Variants in PAPPA2 observed in about 807,000 individuals in gnomAD.
The protein encoded by PAPPA2 is pappalysin-2.
In PAPPA2, 86 loss-of-function variants were observed where a neutral mutation model predicts 176.4. The ratio of observed to expected loss-of-function variants is 0.49; its 90% CI spans 0.41 to 0.58. The LOEUF is 0.58. Ranked by LOEUF, PAPPA2 falls within the 20% of genes least tolerant of loss-of-function variation. The pLI, the probability that PAPPA2 is intolerant of heterozygous loss-of-function variation, is 0.00. For synonymous variants in PAPPA2, 809 were observed against 852.2 expected (o/e 0.95, Z 0.88); for missense variants, 2,073 against 2,256.9 (o/e 0.92, Z 1.65).
chr1:176,547,042 G>A (rs1455935110), intron 1 of PAPPA2, among the ~76,000 whole-genome samples: 1 of 152,144 alleles, frequency 6.6e-6, no homozygotes, highest in African/African-American at 2.4e-5. Context: ...AAGTTTTCTG[G>A]TAAAAGTTAA....
At chr1:176,707,506 C>T (rs1266480922) in intron 10 of PAPPA2, among the ~76,000 whole-genome samples, 2 of 152,176 alleles carry the variant, frequency 1.3e-5, no homozygotes, top group African/African-American at 4.8e-5. Context: ...TAGAGTACAG[C>T]TTCTCTGTCT....
At chr1:176,711,805 T>C (rs1558536064) in intron 11 of PAPPA2, 30 bp from the exon 12 acceptor site, 1 of 1,585,188 alleles carries the variant, frequency 6.3e-7, no homozygotes, top group South Asian at 1.1e-5. Flanking sequence ...CACTCCACAC[T>C]TCAAATTGTT....
chr1:176,626,117 C>T (rs752190838), intron 3 of PAPPA2, among the ~76,000 whole-genome samples: 3 of 152,146 alleles, frequency 2.0e-5, no homozygotes, highest in Non-Finnish European at 2.9e-5. Flanking sequence ...ACAAAGTTCA[C>T]ACCACCACCC....
chr1:176,574,682 G>A (rs1417107538), intron 2 of PAPPA2, among the ~76,000 whole-genome samples: 1 of 152,190 alleles, frequency 6.6e-6, no homozygotes. Flanking sequence ...GACTACCTAG[G>A]TAGCTTTTAC....
chr1:176,684,090 A>C (rs1020776280), intron 4 of PAPPA2, among the ~76,000 whole-genome samples: 3 of 152,176 alleles, frequency 2.0e-5, no homozygotes, highest in African/African-American at 7.2e-5. Context: ...CTCAGGACCC[A>C]GGTGGCAGAG....
At chr1:176,557,525 T>A (rs1214405499) in intron 2 of PAPPA2, among the ~76,000 whole-genome samples, 1 of 152,172 alleles carries the variant, frequency 6.6e-6, no homozygotes, top group African/African-American at 2.4e-5. Context: ...CTCTCTTACC[T>A]GTCTTTAAAG....
At chr1:176,641,040 TG>T (rs1406454072) in intron 3 of PAPPA2, among the ~76,000 whole-genome samples, 1 of 151,222 alleles carries the variant, frequency 6.6e-6, no homozygotes, top group Non-Finnish European at 1.5e-5. Context: ...TGGGGTTGTT[TG>T]TTTTTTTCTT....
chr1:176,826,422 A>G (rs1261726763), intron 21 of PAPPA2, among the ~76,000 whole-genome samples: 1 of 152,248 alleles, frequency 6.6e-6, no homozygotes, highest in Non-Finnish European at 1.5e-5. Context: ...TTAGATACAC[A>G]GACAAGCATC....
chr1:176,581,110 T>A (rs1652934250), intron 2 of PAPPA2, among the ~76,000 whole-genome samples: 1 of 152,192 alleles, frequency 6.6e-6, no homozygotes, highest in African/African-American at 2.4e-5. Context: ...TACATTTAGG[T>A]CTTTAACCCA....
In PAPPA2 at chr1:176,739,737, G is replaced by A; in HGVS notation, c.3910G>A (p.Val1304Ile). 6.2e-7 allele frequency: 1 copy of A among 1,613,654 alleles called. No homozygotes were observed. Among genetic ancestry groups the A allele is most frequent in the Non-Finnish European group, 8.5e-7 (1 of 1,179,808 alleles). Residue 1304 changes from valine to isoleucine, a missense_variant, in exon 13 of 23, where the codon GTC becomes ATC. By Grantham distance (29) the Val-to-Ile change is conservative. Around this residue, in one of 4 missense-constraint regions of PAPPA2, gnomAD observed 846 missense variants for 857.9 expected, o/e 0.99. Coordinates refer to ENST00000367662, the MANE Select transcript of PAPPA2 (RefSeq NM_020318.3). The stretch of plus-strand genomic sequence containing the variant: ...GACAGTGACTCTCTACCTGACCGAT[G>A]TCCGTGGAAGCAACCACTCTCTTGG... ...QPTVTLYLTD[V>I]RGSNHSLGTY...
intron 17 of PAPPA2, among the ~76,000 whole-genome samples, chr1:176,774,320 T>C (rs1410362647): frequency 6.6e-6 from 1 of 152,168 alleles, no homozygotes; most frequent in African/African-American, 2.4e-5. Context: ...TTAAGGGCCA[T>C]AAGGCCCATA....
intron 1 of PAPPA2, among the ~76,000 whole-genome samples, chr1:176,479,335 A>G (rs1481688661): frequency 6.6e-6 from 1 of 152,090 alleles, no homozygotes; most frequent in African/African-American, 2.4e-5. Flanking sequence ...GGTGGATGGA[A>G]GGTGGGAGAA....
At chr1:176,774,619 C>T (rs1157289383) in intron 17 of PAPPA2, among the ~76,000 whole-genome samples, 3 of 152,120 alleles carry the variant, frequency 2.0e-5, no homozygotes, top group Non-Finnish European at 4.4e-5. Flanking sequence ...TCATTTTTCA[C>T]CTCTGAACTG....
At chr1:176,644,940 T>G (rs572124851) in intron 3 of PAPPA2, among the ~76,000 whole-genome samples, 1 of 151,792 alleles carries the variant, frequency 6.6e-6, no homozygotes. Context: ...GTACTTCTGA[T>G]TTTATTTAAT....
chr1:176,643,541 T>A (rs1290557159), intron 3 of PAPPA2, among the ~76,000 whole-genome samples: 1 of 151,582 alleles, frequency 6.6e-6, no homozygotes, highest in Non-Finnish European at 1.5e-5. Context: ...TGGTCTAGAG[T>A]ATACCAGGAG....
At chr1:176,723,108 AGAGCATGT>A (rs1355782959) in intron 12 of PAPPA2, among the ~76,000 whole-genome samples, 7 of 152,238 alleles carry the variant, frequency 4.6e-5, no homozygotes, top group East Asian at 1.9e-4. Context: ...AGGGCAAAAG[AGAGCATGT>A]GAGACAGAGC....
chr1:176,669,415 A>G (rs1032842008), intron 3 of PAPPA2, among the ~76,000 whole-genome samples: 4 of 152,120 alleles, frequency 2.6e-5, no homozygotes, highest in Non-Finnish European at 4.4e-5. Context: ...CCATCAATTT[A>G]TCAATAAAGG....
chr1:176,465,878 C>G (rs752035953), intron 1 of PAPPA2, among the ~76,000 whole-genome samples: 2 of 151,992 alleles, frequency 1.3e-5, no homozygotes, highest in Admixed American at 6.6e-5. Context: ...CTTCCTTTTG[C>G]GAGAACATGT....
chr1:176,819,316 T>C (rs1297420933), intron 21 of PAPPA2, among the ~76,000 whole-genome samples: 3 of 152,088 alleles, frequency 2.0e-5, no homozygotes, highest in Non-Finnish European at 4.4e-5. Flanking sequence ...TTGACAGTTT[T>C]GTTGTTGTTG....
Sources: gnomAD v4.1 joint callset for allele counts (sites outside exome capture counted in the v4.1 genomes callset) on GRCh38, gnomAD v4.1.1 for gene constraint, gnomAD v4.1.1 regional missense constraint, MANE v1.5 for transcripts, NCBI Gene and HGNC (gene_info 2026-07-23, HGNC 2026-07-21) for gene names.